Variants in MFSD11 observed in about 807,000 individuals in gnomAD.
MFSD11 encodes major facilitator superfamily domain containing 11, also known as UNC93-like protein MFSD11.
Under a neutral mutation model 53.5 loss-of-function variants are expected in MFSD11, and 36 were observed. That is an observed-to-expected ratio of 0.67 (90% CI 0.52 to 0.89). The LOEUF is 0.89. MFSD11 is among the 40% of genes least tolerant of loss of function. The pLI is 0.00. For synonymous variants in MFSD11, 186 were observed against 184.9 expected, an observed-to-expected ratio of 1.01 and a Z score of -0.05; for missense variants, 530 against 543.9, an observed-to-expected ratio of 0.97 and a Z score of 0.25.
intron 8 of MFSD11, among the ~76,000 whole-genome samples, chr17:76,758,835 C>G (rs1352663917): frequency 1.3e-5 from 2 of 152,080 alleles, no homozygotes; most frequent in Non-Finnish European, 2.9e-5. Context: ...CTCCATTCCA[C>G]ACACCCCTAC....
chr17:76,787,406 G>A, the MFSD11 span, among the ~76,000 whole-genome samples: 2 of 150,088 alleles, frequency 1.3e-5, no homozygotes, highest in African/African-American at 4.9e-5. Flanking sequence ...CAAAGTGCTG[G>A]GATTACAGGC....
At chr17:76,762,872 CT>C (rs557000394) in intron 8 of MFSD11, among the ~76,000 whole-genome samples, 2,372 of 143,426 alleles carry the variant, frequency 0.017, 16 homozygotes, top group South Asian at 0.03. Context: ...CCCCACATTC[CT>C]TTTTTTTTTT....
chr17:76,775,007 C>T lies in MFSD11; in HGVS notation c.885C>T (p.Leu295=), dbSNP rs145100983. 43 of 1,613,648 alleles carry T rather than the reference C, an allele frequency of 2.7e-5. No homozygotes were observed. The highest frequency in any genetic ancestry group is 3.6e-5 in the Non-Finnish European group (42 of 1,179,798). The part of the protein sequence containing the change: ...IGIGEILGGS[L]FGLLSKNNRF... ...CATCTTGACTTATAGGTGGAAGCCT[C>T]TTCGGCCTGCTGAGCAAGAACAATC... The change falls in exon 11 of 13, where the codon CTC becomes CTT. Residue 295 remains leucine, a synonymous_variant. Transcript: ENST00000685175.
At chr17:76,769,000 A>G (rs2081137926) in intron 9 of MFSD11, among the ~76,000 whole-genome samples, 1 of 152,060 alleles carries the variant, frequency 6.6e-6, no homozygotes, top group African/African-American at 2.4e-5. Flanking sequence ...AAAAAAAAAA[A>G]AAAGAATGTT....
At chr17:76,744,571 G>A in intron 7 of MFSD11, 105 bp downstream of exon 7, 1 of 960,416 alleles carries the variant, frequency 1.0e-6, no homozygotes. Context: ...AGTACTCTCT[G>A]TAGGTTACCA....
At chr17:76,741,892 C>T in intron 3 of MFSD11, 77 bp from the exon 4 acceptor site, 1 of 1,606,870 alleles carries the variant, frequency 6.2e-7, no homozygotes, top group Non-Finnish European at 8.5e-7. Flanking sequence ...AATGTCAGAA[C>T]TGATTCCTAG....
intron 8 of MFSD11, among the ~76,000 whole-genome samples, chr17:76,754,545 G>A (rs1361839938): frequency 3.9e-5 from 6 of 151,952 alleles, no homozygotes; most frequent in Non-Finnish European, 8.8e-5. Context: ...TTTGCCGGGC[G>A]TGGTGGCATG....
chr17:76,794,690 T>G, the MFSD11 span, among the ~76,000 whole-genome samples: 23 of 3,668 alleles, frequency 6.3e-3, no homozygotes, highest in Middle Eastern at 0.071. Flanking sequence ...TTTTTTTTTT[T>G]TTTTTTTTTT....
At chr17:76,781,693 G>T (rs1837984403), downstream of MFSD11, among the ~76,000 whole-genome samples, 1 of 152,162 alleles carries the variant, frequency 6.6e-6, no homozygotes, top group Admixed American at 6.5e-5. Flanking sequence ...GTCACCCCTA[G>T]GATTCCTGGT....
Position 76,776,792 on chromosome 17 carries a change from C to T in MFSD11, c.1185+251C>T, listed in dbSNP as rs2081872653. ...AGTAGCTGAGATTACAGGTGCACAC[C>T]ACCATGCCTGGCTAATTTTTGTATT... On this transcript the variant is annotated intron_variant, in intron 12 of 12. Coordinates refer to ENST00000685175, the MANE Select transcript of MFSD11 (RefSeq NM_001242532.5). The surrounding 1 kb of genome is among the most constrained non-coding windows in gnomAD (Gnocchi z 4.2). 6.6e-6 allele frequency among the ~76,000 whole-genome samples: 1 copy of T among 151,852 alleles called. No individual in the cohort carries two copies. The highest frequency in any genetic ancestry group is 2.4e-5 in the African/African-American group (1 of 41,254).
In MFSD11 at chr17:76,776,924, A is replaced by G. The variant is rs1378649494; in HGVS notation, c.1185+383A>G. Among the ~76,000 whole-genome samples, 1 of 146,490 alleles carries G rather than the reference A, an allele frequency of 6.8e-6. No homozygotes were observed. Among genetic ancestry groups the G allele is most frequent in the African/African-American group, 2.5e-5 (1 of 40,074 alleles). ...GCCTTGGCCTCCCAAAGTGCTGGGG[A>G]TTATATGCGTGAGCCACCGCACCTG... On this transcript the variant is annotated intron_variant, in intron 12 of 12. Transcript: ENST00000685175. The surrounding 1 kb of genome is among the most constrained non-coding windows in gnomAD (Gnocchi z 4.2).
At chr17:76,799,136 G>C in the MFSD11 span, 2 of 151,916 alleles carry the variant, frequency 1.3e-5, no homozygotes, top group African/African-American at 2.4e-5. Context: ...GAACTCTTGA[G>C]ACAAAATCTC....
In MFSD11 at chr17:76,740,952, T is replaced by C. The variant is rs1197274049; in HGVS notation, c.153-5T>C. ...TTTTTTTCCGTTTGTGTATTATGTG[T>C]GCAGCATGGCTATTATCTATGGAGT... On this transcript the variant is annotated splice_polypyrimidine_tract_variant and splice_region_variant and intron_variant, in intron 2 of 12. Coordinates refer to ENST00000685175, the MANE Select transcript of MFSD11 (RefSeq NM_001242532.5). The C allele has an allele frequency of 1.3e-6, 2 of 1,556,984 alleles. No individual in the cohort carries two copies. The highest frequency in any genetic ancestry group is 3.4e-5 in the Admixed American group (2 of 59,072).
chr17:76,803,702 G>T, the MFSD11 span, among the ~76,000 whole-genome samples: 2 of 152,072 alleles, frequency 1.3e-5, no homozygotes, highest in African/African-American at 4.8e-5. Flanking sequence ...TTGACTCAAT[G>T]GCCTTCCCTC....
In MFSD11 at chr17:76,741,981, C is replaced by T. The variant is rs775395625; in HGVS notation, c.273C>T (p.Ala91=). Residue 91 remains alanine (A), a synonymous_variant, in exon 4 of 13, where the codon GCC becomes GCT. Coordinates refer to ENST00000685175, the MANE Select transcript of MFSD11 (RefSeq NM_001242532.5). ...TGTTATATTTTAGCATGTACATTGC[C>T]GTTTTCATCCAGCCTTTCCCGTGGT... is the stretch of plus-strand genomic sequence containing the variant. ...ASGLFYSMYI[A]VFIQPFPWSF... 15 of 1,613,926 alleles carry T rather than the reference C, an allele frequency of 9.3e-6. No homozygotes were observed. The highest frequency in any genetic ancestry group is 1.6e-4 in the Middle Eastern group (1 of 6,082).
At chr17:76,746,702 C>T (rs1397508453) in intron 7 of MFSD11, among the ~76,000 whole-genome samples, 3 of 152,166 alleles carry the variant, frequency 2.0e-5, no homozygotes, top group African/African-American at 4.8e-5. Context: ...GATGGTAGCA[C>T]ATTTGTTTAC....
intron 8 of MFSD11, among the ~76,000 whole-genome samples, chr17:76,756,083 C>G (rs1393637915): frequency 2.0e-5 from 3 of 150,444 alleles, no homozygotes; most frequent in Non-Finnish European, 3.0e-5. Flanking sequence ...CTTGGCCTCC[C>G]AAACTGCTGG....
intron 8 of MFSD11, among the ~76,000 whole-genome samples, chr17:76,765,018 T>C (rs1314067090): frequency 1.3e-5 from 2 of 152,226 alleles, no homozygotes; most frequent in Non-Finnish European, 2.9e-5. Flanking sequence ...AATTTTGATG[T>C]AGTCAATTTG....
At chr17:76,791,674 A>G in the MFSD11 span, among the ~76,000 whole-genome samples, 1 of 148,600 alleles carries the variant, frequency 6.7e-6, no homozygotes, top group Non-Finnish European at 1.5e-5. Flanking sequence ...GCTGTACCCT[A>G]TTCTGCAGGA....
Sources: allele counts gnomAD v4.1 joint callset (sites outside exome capture counted in the v4.1 genomes callset), GRCh38; gene constraint gnomAD v4.1.1; non-coding constraint Gnocchi (gnomAD v3.1); transcripts MANE v1.5; gene names NCBI Gene and HGNC (gene_info 2026-07-23, HGNC 2026-07-21).